Variants in SPAG5 observed in about 807,000 individuals in gnomAD.
SPAG5 encodes sperm-associated antigen 5.
A neutral mutation model predicts 145.4 loss-of-function variants in SPAG5; 99 were observed. The ratio of observed to expected loss-of-function variants is 0.68; its 90% CI spans 0.58 to 0.80. The LOEUF (loss-of-function observed/expected upper bound fraction) is 0.80. Among genes scored for constraint, SPAG5 ranks in the 30% least tolerant of loss-of-function variants. SPAG5 has a pLI of 0.00. For synonymous variants in SPAG5, 477 were observed against 525.4 expected (o/e 0.91, Z 1.26); for missense variants, 1,192 against 1,416.0 (o/e 0.84, Z 2.54).
Position 28,599,009 on chromosome 17 carries a change from C to T in SPAG5, c.-63G>A. The T allele has an allele frequency of 1.3e-6, 2 of 1,541,874 alleles. No individual in the cohort carries two copies. Among genetic ancestry groups the T allele is most frequent in the Non-Finnish European group, 1.8e-6 (2 of 1,114,912 alleles). On this transcript the variant is annotated 5_prime_UTR_variant, in exon 1 of 24. Coordinates refer to ENST00000321765, the MANE Select transcript of SPAG5 (RefSeq NM_006461.4). ...AGTCGAGGACGCCATGTTCACCCGC[C>T]GTCTGTGTTTGAACCTGCTCTGCGC...
rs769290625 is a variant in SPAG5 at position 28,579,823 on chromosome 17, G to T, written c.2812C>A (p.Pro938Thr). 1.2e-5 allele frequency: 19 copies of T among 1,614,062 alleles called. No homozygotes were observed. The highest frequency in any genetic ancestry group is 1.6e-5 in the Non-Finnish European group (19 of 1,180,012). The stretch of plus-strand genomic sequence containing the variant: ...TTGTCACTTCCAAGCAAGGGCACAG[G>T]AGTTGATTCTGGCTCTAAGAGAAAA... ...AVADEEPEST[P>T]VPLLGSDKSA... Residue 938 changes from proline to threonine, a missense_variant, in exon 17 of 24, where the codon CCT becomes ACT. Physicochemically the swap from Pro to Thr is conservative, Grantham distance 38. This residue lies in a region of SPAG5 where 709 missense variants were observed against 840.7 expected (regional missense o/e 0.84). Transcript: ENST00000321765.
chr17:28,578,762 A>G lies in SPAG5; in HGVS notation c.3118-10T>C. The G allele has an allele frequency of 6.2e-7, 1 of 1,610,452 alleles. No homozygotes were observed. The highest frequency in any genetic ancestry group is 8.5e-7 in the Non-Finnish European group (1 of 1,176,850). ...GGAGCTCCTTTTCATTCTGTGAGGG[A>G]AAGGGAGGTGAGAAGACACATGAAG... On this transcript the variant is annotated splice_polypyrimidine_tract_variant and intron_variant, in intron 19 of 23. Coordinates refer to ENST00000321765, the MANE Select transcript of SPAG5 (RefSeq NM_006461.4).
Position 28,598,925 on chromosome 17 carries a change from T to A in SPAG5, c.22A>T (p.Ser8Cys). Residue 8 changes from serine to cysteine, a missense_variant, in exon 1 of 24, where the codon AGC becomes TGC. Ser to Cys is a moderately radical substitution (Grantham distance 112). Around this residue, in one of 5 missense-constraint regions of SPAG5, gnomAD observed 329 missense variants for 354.0 expected, o/e 0.93. Coordinates refer to ENST00000321765, the MANE Select transcript of SPAG5 (RefSeq NM_006461.4). ...TGGGGCGAAGGCGACAGGCTGAGGCTCAGTTTTTTCACTCGCCACATCTTC... is the reference window on the plus strand; with the variant it reads ...TGGGGCGAAGGCGACAGGCTGAGGCACAGTTTTTTCACTCGCCACATCTTC... MWRVKKL[S>C]LSLSPSPQTG... 6.2e-7 allele frequency: 1 copy of A among 1,613,938 alleles called. No homozygotes were observed. Among genetic ancestry groups the A allele is most frequent in the Non-Finnish European group, 8.5e-7 (1 of 1,179,982 alleles).
At chr17:28,598,863 C>G (rs2070689082) in intron 1 of SPAG5, 33 bp downstream of exon 1, 1 of 1,612,474 alleles carries the variant, frequency 6.2e-7, no homozygotes, top group Non-Finnish European at 8.5e-7. Flanking sequence ...AGCAGCCCGG[C>G]CCAGTTCTCT....
At chr17:28,593,729 A>AAAAT (rs558526295) in intron 2 of SPAG5, among the ~76,000 whole-genome samples, 2 of 152,116 alleles carry the variant, frequency 1.3e-5, no homozygotes, top group African/African-American at 2.4e-5. Context: ...GTCTCAAAAA[A>AAAAT]AAATAAATAA....
chr17:28,583,770 T>C, intron 14 of SPAG5, 83 bp downstream of exon 14: 1 of 1,555,550 alleles, frequency 6.4e-7, no homozygotes, highest in Non-Finnish European at 8.7e-7. Context: ...CACAGTTCTC[T>C]TCTTGGAGAT....
At chr17:28,585,677 G>A in intron 7 of SPAG5, 24 bp from the exon 8 acceptor site, 3 of 1,612,762 alleles carry the variant, frequency 1.9e-6, no homozygotes, top group Non-Finnish European at 2.5e-6. Context: ...TGGTTGCAAG[G>A]CCACAGTGGG....
chr17:28,584,447 A>T lies in SPAG5; in HGVS notation c.2195T>A (p.Met732Lys), dbSNP rs1197402406. The T allele has an allele frequency of 1.2e-6, 2 of 1,614,032 alleles. No individual in the cohort carries two copies. Among genetic ancestry groups the T allele is most frequent in the Admixed American group, 3.3e-5 (2 of 60,024 alleles). The change falls in exon 12 of 24, where the codon ATG becomes AAG. Residue 732 changes from methionine (M) to lysine (K), a missense_variant. By Grantham distance (95) the Met-to-Lys change is moderately conservative (BLOSUM62 -1). Transcript: ENST00000321765. Reference sequence around the variant, plus strand: ...CTGTAGCTCTTTTAGCTGGCTGTCCATGTTGGCCAGAATCTGCAACTGAGC... The same window carrying T: ...CTGTAGCTCTTTTAGCTGGCTGTCCTTGTTGGCCAGAATCTGCAACTGAGC... ...LRAQLQILANMDSQLKELQSQ... is the reference protein window; with the variant it reads ...LRAQLQILANKDSQLKELQSQ...
At position 28,583,644 on chromosome 17, in the gene SPAG5, T is replaced by A; in HGVS notation, c.2552A>T (p.Lys851Ile). The A allele has an allele frequency of 6.2e-7, 1 of 1,600,272 alleles. No homozygotes were observed. Among genetic ancestry groups the A allele is most frequent in the Non-Finnish European group, 8.5e-7 (1 of 1,175,908 alleles). The change falls in exon 15 of 24, where the codon AAA becomes ATA. Residue 851 changes from lysine (K) to isoleucine (I), a missense_variant. Physicochemically the swap from Lys to Ile is moderately radical, Grantham distance 102. Around this residue, in one of 5 missense-constraint regions of SPAG5, gnomAD observed 709 missense variants for 840.7 expected, o/e 0.84. Transcript: ENST00000321765. Reference sequence around the variant, plus strand: ...GTTATCTGCTATGGTGCTGGCCAGTTTAGCCCTGAAATAAGGAACAGGGAA... The same window carrying A: ...GTTATCTGCTATGGTGCTGGCCAGTATAGCCCTGAAATAAGGAACAGGGAA... ...LKDTVENLTA[K>I]LASTIADNQE...
intron 4 of SPAG5, among the ~76,000 whole-genome samples, chr17:28,589,103 T>TG (rs1466538808): frequency 7.2e-6 from 1 of 139,736 alleles, no homozygotes; most frequent in East Asian, 2.0e-4. Flanking sequence ...TTTAAAATAA[T>TG]TTTTTTTTTT....
rs537599514 is a variant in SPAG5 at position 28,595,783 on chromosome 17, C to T, written c.178-2717G>A. On this transcript the variant is annotated intron_variant, in intron 2 of 23. Coordinates refer to ENST00000321765, the MANE Select transcript of SPAG5 (RefSeq NM_006461.4). ...AAATTAGGCCGGGCGCGGTGGCTCA[C>T]GCCCGTAATCCCAGCACTTTGGGAG... Among the ~76,000 whole-genome samples, 5 of 151,938 alleles carry T rather than the reference C, an allele frequency of 3.3e-5. No individual in the cohort carries two copies. The South Asian group carries it at 8.3e-4, about 25-fold the overall frequency.
chr17:28,593,453 GTTC>G (rs2070638979), intron 2 of SPAG5, among the ~76,000 whole-genome samples: 1 of 152,194 alleles, frequency 6.6e-6, no homozygotes, highest in Admixed American at 6.5e-5. Context: ...GTTGGTACAA[GTTC>G]TTCTCCCTCT....
chr17:28,595,173 G>A (rs1170741630), intron 2 of SPAG5, among the ~76,000 whole-genome samples: 5 of 150,824 alleles, frequency 3.3e-5, no homozygotes, highest in African/African-American at 7.3e-5. Context: ...CAGGAGAATC[G>A]CTTGAATCTG....
intron 15 of SPAG5, among the ~76,000 whole-genome samples, chr17:28,581,847 T>A (rs1196729761): frequency 6.6e-6 from 1 of 152,172 alleles, no homozygotes; most frequent in African/African-American, 2.4e-5. Flanking sequence ...TTGCTATCCC[T>A]CCTGCCACAC....
In SPAG5 at chr17:28,591,985, C is replaced by T. The variant is rs747982324; in HGVS notation, c.1259G>A (p.Cys420Tyr). ...HSTSETEQLL[C>Y]GRPPDLTALS... ...GCAAGGACATAGGGGCGCTTACCCA[C>T]ACAGGAGCTGCTCTGTCTCAGAAGT... The change falls in exon 3 of 24, where the codon TGT (cysteine) becomes TAT (tyrosine). Residue 420 changes from cysteine to tyrosine, a missense_variant. Coordinates refer to ENST00000321765, the MANE Select transcript of SPAG5 (RefSeq NM_006461.4). The T allele has an allele frequency of 1.2e-6, 2 of 1,613,740 alleles. No individual in the cohort carries two copies. The highest frequency in any genetic ancestry group is 1.7e-5 in the Admixed American group (1 of 60,010).
rs780628648 is a variant in SPAG5 at position 28,584,736 on chromosome 17, C to T, written c.2077G>A (p.Val693Met). Reference sequence around the variant, plus strand: ...AACTGGGCAGAGACTTGTTCCAGCACCCTAGAAACCTAGGAAGAACAGATG... The same window carrying T: ...AACTGGGCAGAGACTTGTTCCAGCATCCTAGAAACCTAGGAAGAACAGATG... ...AIEEKQEVSR[V>M]LEQVSAQLEE... is the part of the protein sequence containing the mutation. Residue 693 changes from valine to methionine, a missense_variant, in exon 11 of 24, where the codon GTG (valine) becomes ATG (methionine). Coordinates refer to ENST00000321765, the MANE Select transcript of SPAG5 (RefSeq NM_006461.4). 3 of 1,612,804 alleles carry T rather than the reference C, an allele frequency of 1.9e-6. No homozygotes were observed. The highest frequency in any genetic ancestry group is 2.7e-5 in the African/African-American group (2 of 74,874).
At chr17:28,595,500 C>T (rs1275733569) in intron 2 of SPAG5, among the ~76,000 whole-genome samples, 2 of 152,200 alleles carry the variant, frequency 1.3e-5, no homozygotes, top group Admixed American at 6.5e-5. Context: ...GTAATCCCAG[C>T]ACTTTGGGAG....
At chr17:28,590,774 C>T (rs1387558244) in intron 4 of SPAG5, among the ~76,000 whole-genome samples, 3 of 142,936 alleles carry the variant, frequency 2.1e-5, no homozygotes, top group Non-Finnish European at 4.5e-5. Flanking sequence ...GAGGCTGAGG[C>T]AGGAGAATCG....
In SPAG5 at chr17:28,593,142, T is replaced by C; in HGVS notation, c.178-76A>G. 2.0e-6 allele frequency: 3 copies of C among 1,518,124 alleles called. No homozygotes were observed. In the East Asian group the frequency reaches 6.8e-5, roughly 34 times the overall value. The allele number at this position is 1,518,124 out of a possible 1,614,324, so 94.0% of individuals were successfully genotyped here. ...ACATACAATTACAGGTGCAAGATAG[T>C]GCACTCAAAAAAGAAAAGAATTCTT... is the stretch of plus-strand genomic sequence containing the variant. On this transcript the variant is annotated intron_variant, in intron 2 of 23. Coordinates refer to ENST00000321765, the MANE Select transcript of SPAG5 (RefSeq NM_006461.4).
Sources: allele counts gnomAD v4.1 joint callset (sites outside exome capture counted in the v4.1 genomes callset), GRCh38; gene constraint gnomAD v4.1.1; regional missense constraint gnomAD v4.1.1; transcripts MANE v1.5; gene names NCBI Gene and HGNC (gene_info 2026-07-23, HGNC 2026-07-21).